The following ZBTB8A variants were observed in gnomAD, a reference collection of about 807,000 sequenced individuals.
The protein encoded by ZBTB8A is zinc finger and BTB domain-containing protein 8A.
In ZBTB8A, 19 loss-of-function variants were observed where a neutral mutation model predicts 37.8. The ratio of observed to expected loss-of-function variants is 0.50; its 90% CI spans 0.35 to 0.74. The LOEUF (loss-of-function observed/expected upper bound fraction) is 0.74. Among genes scored for constraint, ZBTB8A ranks in the 30% least tolerant of loss-of-function variants. The probability of loss-of-function intolerance (pLI) is 0.01; values close to 1 mark genes in which losing one functional copy is unlikely to be tolerated. For missense variants in ZBTB8A, 394 were observed against 537.8 expected (o/e 0.73, Z 2.65); for synonymous variants, 181 against 185.2 (o/e 0.98, Z 0.19).
intron 1 of ZBTB8A, among the ~76,000 whole-genome samples, chr1:32,549,001 G>A (rs1246125847): frequency 6.6e-6 from 1 of 151,550 alleles, no homozygotes; most frequent in Non-Finnish European, 1.5e-5. Context: ...GACCAGCCTA[G>A]CCAATATGGT....
At chr1:32,581,044 T>G (rs1466201086) in intron 2 of ZBTB8A, among the ~76,000 whole-genome samples, 2 of 139,788 alleles carry the variant, frequency 1.4e-5, no homozygotes, top group Non-Finnish European at 1.5e-5. Flanking sequence ...TACATGAGTT[T>G]GTAGGGACAT....
chr1:32,573,231 C>A (rs61267185), intron 2 of ZBTB8A, among the ~76,000 whole-genome samples: 1 of 149,952 alleles, frequency 6.7e-6, no homozygotes, highest in Non-Finnish European at 1.5e-5. Context: ...CCACCACACC[C>A]GGCTAATTTT....
At chr1:32,562,959 A>G (rs1644254631) in intron 2 of ZBTB8A, among the ~76,000 whole-genome samples, 1 of 152,146 alleles carries the variant, frequency 6.6e-6, no homozygotes, top group African/African-American at 2.4e-5. Context: ...AATCATTTAT[A>G]TTATAAGACA....
intron 4 of ZBTB8A, among the ~76,000 whole-genome samples, chr1:32,597,097 C>T (rs2148253828): frequency 6.6e-6 from 1 of 152,162 alleles, no homozygotes. Flanking sequence ...ACCTCTGCCT[C>T]CCAGGTTCAA....
At chr1:32,591,157 C>G (rs1644485286) in intron 2 of ZBTB8A, among the ~76,000 whole-genome samples, 1 of 151,394 alleles carries the variant, frequency 6.6e-6, no homozygotes, top group African/African-American at 2.4e-5. Context: ...GATCTGCCTG[C>G]CTCAGCCTCC....
At chr1:32,549,488 G>A (rs1316874272) in intron 1 of ZBTB8A, among the ~76,000 whole-genome samples, 23 of 144,322 alleles carry the variant, frequency 1.6e-4, no homozygotes, top group African/African-American at 6.0e-4. Flanking sequence ...GTAAAACTCC[G>A]TCTCAAAAAA....
intron 2 of ZBTB8A, among the ~76,000 whole-genome samples, chr1:32,577,013 C>G (rs904698747): frequency 2.0e-5 from 3 of 151,014 alleles, no homozygotes; most frequent in African/African-American, 7.3e-5. Context: ...GCTGGGATTA[C>G]AGGTGTGCAC....
chr1:32,588,369 A>G (rs749991899), intron 2 of ZBTB8A, among the ~76,000 whole-genome samples: 1 of 151,990 alleles, frequency 6.6e-6, no homozygotes, highest in Non-Finnish European at 1.5e-5. Context: ...GTCGGTGCAG[A>G]GCTGATTGCT....
At chr1:32,544,641 G>A (rs1160276452) in intron 1 of ZBTB8A, among the ~76,000 whole-genome samples, 1 of 152,220 alleles carries the variant, frequency 6.6e-6, no homozygotes, top group Non-Finnish European at 1.5e-5. Flanking sequence ...AGGTTGCAGT[G>A]ACCTGAGATG....
chr1:32,580,630 C>T (rs1365815336), intron 2 of ZBTB8A, among the ~76,000 whole-genome samples: 3 of 151,922 alleles, frequency 2.0e-5, no homozygotes, highest in African/African-American at 7.3e-5. Flanking sequence ...GATGGAGATA[C>T]AAATTGATAT....
At chr1:32,565,802 T>C (rs1332659435) in intron 2 of ZBTB8A, among the ~76,000 whole-genome samples, 1 of 152,144 alleles carries the variant, frequency 6.6e-6, no homozygotes. Flanking sequence ...TGCTGGACAT[T>C]ATGCACTGTG....
intron 2 of ZBTB8A, among the ~76,000 whole-genome samples, chr1:32,574,182 A>C (rs746624853): frequency 6.6e-6 from 1 of 152,120 alleles, no homozygotes; most frequent in Non-Finnish European, 1.5e-5. Context: ...GTATTCTATA[A>C]ATGTCTATTT....
At chr1:32,567,167 G>A (rs1039040567) in intron 2 of ZBTB8A, among the ~76,000 whole-genome samples, 1 of 152,088 alleles carries the variant, frequency 6.6e-6, no homozygotes, top group African/African-American at 2.4e-5. Flanking sequence ...AAAGGCACAG[G>A]GGAAGCAGGC....
Position 32,600,974 on chromosome 1 carries a change from A to G in ZBTB8A, c.*555A>G, listed in dbSNP as rs1157922976. 6.6e-6 allele frequency: 1 copy of G among 152,356 alleles called. No individual in the cohort carries two copies. The highest frequency in any genetic ancestry group is 2.4e-5 in the African/African-American group (1 of 41,432). 9.4% of individuals were successfully genotyped at this position (152,356 alleles called of 1,614,324 possible). ...CTGATATCCTGAACGTTTAAGGATT[A>G]TGGAAGAAGACTAAAGTGTTTGAAA... On this transcript the variant is annotated 3_prime_UTR_variant, in exon 5 of 5. Coordinates refer to ENST00000373510, the MANE Select transcript of ZBTB8A (RefSeq NM_001040441.3).
intron 1 of ZBTB8A, among the ~76,000 whole-genome samples, chr1:32,542,001 A>T (rs1029047986): frequency 6.6e-6 from 1 of 152,216 alleles, no homozygotes; most frequent in South Asian, 2.1e-4. Context: ...TATTAAATGC[A>T]TTTTAAACTT....
chr1:32,539,730 CG>C (rs1329457975), intron 1 of ZBTB8A, among the ~76,000 whole-genome samples, 158 bp downstream of exon 1: 302 of 1,424 alleles, frequency 0.21, 2 homozygotes, highest in South Asian at 0.29. Flanking sequence ...GGGCCGGGAG[CG>C]CGGCGGGAGG....
chr1:32,541,802 G>C (rs1644057587), intron 1 of ZBTB8A, among the ~76,000 whole-genome samples: 1 of 152,116 alleles, frequency 6.6e-6, no homozygotes, highest in South Asian at 2.1e-4. Flanking sequence ...CATCCATGAG[G>C]GCAGAGTCTT....
At chr1:32,546,485 A>C (rs535207855) in intron 1 of ZBTB8A, among the ~76,000 whole-genome samples, 2 of 152,034 alleles carry the variant, frequency 1.3e-5, no homozygotes, top group African/African-American at 4.8e-5. Context: ...TTTTCTGTTA[A>C]AATATAGAAA....
At chr1:32,586,152 T>C (rs1033951843) in intron 2 of ZBTB8A, among the ~76,000 whole-genome samples, 1 of 151,356 alleles carries the variant, frequency 6.6e-6, no homozygotes, top group African/African-American at 2.4e-5. Flanking sequence ...ACCCCGTCTG[T>C]ACTTAAAAAA....
Sources: allele counts gnomAD v4.1 joint callset (sites outside exome capture counted in the v4.1 genomes callset), GRCh38; gene constraint gnomAD v4.1.1; transcripts MANE v1.5; gene names NCBI Gene and HGNC (gene_info 2026-07-23, HGNC 2026-07-21).